FAM149B1: variants seen among roughly 807,000 people sequenced by gnomAD.
The protein encoded by FAM149B1 is primary cilium assembly protein FAM149B1.
Under a neutral mutation model 75.3 loss-of-function variants are expected in FAM149B1, and 56 were observed. The ratio of observed to expected loss-of-function variants is 0.74; its 90% CI spans 0.60 to 0.93. FAM149B1 has a LOEUF of 0.93. FAM149B1 is among the 40% of genes least tolerant of loss of function. The pLI, the probability that FAM149B1 is intolerant of heterozygous loss-of-function variation, is 0.00. For missense variants in FAM149B1, 639 were observed against 708.4 expected (o/e 0.90, Z 1.11); for synonymous variants, 259 against 256.1 (o/e 1.01, Z -0.11).
intron 1 of FAM149B1, among the ~76,000 whole-genome samples, chr10:73,172,441 A>G (rs1843754659): frequency 6.6e-6 from 1 of 152,192 alleles, no homozygotes; most frequent in Non-Finnish European, 1.5e-5. Context: ...TTACTAACCA[A>G]ATGACCTTAA....
chr10:73,180,266 G>A (rs1223239272), intron 3 of FAM149B1, among the ~76,000 whole-genome samples: 2 of 152,170 alleles, frequency 1.3e-5, no homozygotes, highest in African/African-American at 4.8e-5. Flanking sequence ...AAAAGCCCAA[G>A]GAGGAGAAGA....
intron 12 of FAM149B1, among the ~76,000 whole-genome samples, chr10:73,238,200 A>G (rs1249060071): frequency 1.3e-5 from 2 of 152,124 alleles, no homozygotes; most frequent in East Asian, 3.9e-4. Context: ...CAAGAAAATT[A>G]GCCAGGCATG....
At chr10:73,198,351 A>G (rs527902071) in intron 5 of FAM149B1, among the ~76,000 whole-genome samples, 1 of 152,356 alleles carries the variant, frequency 6.6e-6, no homozygotes, top group East Asian at 1.9e-4. Context: ...AAGAACAGAC[A>G]AATGGTACTA....
Position 73,233,082 on chromosome 10 carries a change from G to A in FAM149B1, c.1271G>A (p.Arg424Gln), listed in dbSNP as rs531266047. ...ACCAGGAGACGCAATCCACCACCACGAACTCTTCATCCGATCAGCACGAGC... is the reference window on the plus strand; with the variant it reads ...ACCAGGAGACGCAATCCACCACCACAAACTCTTCATCCGATCAGCACGAGC... ...QSTRRRNPPPRTLHPISTSHS... is the reference protein window; with the variant it reads ...QSTRRRNPPPQTLHPISTSHS... The change falls in exon 10 of 14, where the codon CGA becomes CAA. Residue 424 changes from arginine to glutamine, a missense_variant. Coordinates refer to ENST00000242505, the MANE Select transcript of FAM149B1 (RefSeq NM_173348.2). The A allele has an allele frequency of 4.5e-4, 695 of 1,551,574 alleles. 8 individuals are homozygous for A. In the South Asian group the frequency reaches 7.5e-3, roughly 17 times the overall value.
At chr10:73,228,220 C>G in intron 8 of FAM149B1, 36 bp downstream of exon 8, 1 of 1,539,070 alleles carries the variant, frequency 6.5e-7, no homozygotes, top group Non-Finnish European at 8.8e-7. Context: ...GACCCCAGGG[C>G]TACTCTCACC....
Position 73,233,114 on chromosome 10 carries a change from T to A in FAM149B1, c.1303T>A (p.Cys435Ser). The change falls in exon 10 of 14, where the codon TGT becomes AGT. Residue 435 changes from cysteine (C) to serine (S), a missense_variant. Transcript: ENST00000242505. ...TLHPISTSHSCAETPRSVEEI... is the reference protein window; with the variant it reads ...TLHPISTSHSSAETPRSVEEI... Reference sequence around the variant, plus strand: ...TCATCCGATCAGCACGAGCCATTCATGTGCTGAAACACCAAGATCTGTGGA... The same window carrying A: ...TCATCCGATCAGCACGAGCCATTCAAGTGCTGAAACACCAAGATCTGTGGA... The A allele has an allele frequency of 1.3e-6, 2 of 1,551,786 alleles. No homozygotes were observed. The highest frequency in any genetic ancestry group is 1.7e-6 in the Non-Finnish European group (2 of 1,147,000).
At chr10:73,171,016 G>A (rs976694234) in intron 1 of FAM149B1, among the ~76,000 whole-genome samples, 1 of 150,740 alleles carries the variant, frequency 6.6e-6, no homozygotes, top group African/African-American at 2.4e-5. Flanking sequence ...TGCACAGGTT[G>A]GAGTGCAGTG....
chr10:73,237,421 C>CTT (rs539055192), intron 12 of FAM149B1, among the ~76,000 whole-genome samples: 1 of 145,854 alleles, frequency 6.9e-6, no homozygotes, highest in African/African-American at 2.5e-5. Flanking sequence ...TTCTCTGAAA[C>CTT]TTTTTTTTTT....
chr10:73,185,931 G>T (rs1470586875), intron 3 of FAM149B1, among the ~76,000 whole-genome samples: 1 of 152,088 alleles, frequency 6.6e-6, no homozygotes, highest in Non-Finnish European at 1.5e-5. Context: ...AGAAAGAACA[G>T]TTCCTACCTA....
At chr10:73,231,434 A>ACACT (rs1424031741) in intron 9 of FAM149B1, 3 of 152,206 alleles carry the variant, frequency 2.0e-5, no homozygotes, top group African/African-American at 7.2e-5. Context: ...GTACCATTTT[A>ACACT]CACTCCTTCC....
chr10:73,189,035 A>T (rs1214892929), intron 3 of FAM149B1, among the ~76,000 whole-genome samples: 1 of 152,080 alleles, frequency 6.6e-6, no homozygotes, highest in Non-Finnish European at 1.5e-5. Flanking sequence ...TCTCTAAAAA[A>T]TAATTAATTA....
intron 12 of FAM149B1, 66 bp downstream of exon 12, chr10:73,235,384 G>GTTTGGCAGACTTAAGATTTTA: frequency 6.5e-7 from 1 of 1,541,326 alleles, no homozygotes. Context: ...GGGAATAATA[G>GTTTGGCAGACTTAAGATTTTA]TTTGGCAGAC....
intron 5 of FAM149B1, among the ~76,000 whole-genome samples, chr10:73,205,834 G>T (rs538823795): frequency 6.6e-6 from 1 of 152,208 alleles, no homozygotes; most frequent in African/African-American, 2.4e-5. Flanking sequence ...TTATAGGTGT[G>T]AGCCACCGCA....
chr10:73,221,475 T>A (rs1357951892), intron 7 of FAM149B1, among the ~76,000 whole-genome samples: 2 of 152,208 alleles, frequency 1.3e-5, no homozygotes, highest in African/African-American at 4.8e-5. Flanking sequence ...GCTGTCCATT[T>A]CTTCTCGCTT....
At chr10:73,170,709 A>C (rs1229447096) in intron 1 of FAM149B1, among the ~76,000 whole-genome samples, 1 of 152,128 alleles carries the variant, frequency 6.6e-6, no homozygotes, top group Non-Finnish European at 1.5e-5. Flanking sequence ...ACATGGTAGC[A>C]GTTTAGTTCC....
intron 5 of FAM149B1, among the ~76,000 whole-genome samples, chr10:73,204,771 CTTTTTT>C (rs772508767): frequency 2.3e-4 from 21 of 92,940 alleles, no homozygotes; most frequent in Non-Finnish European, 2.8e-4. Flanking sequence ...TGTGATTATT[CTTTTTT>C]TTTTTTTTTT....
At chr10:73,209,893 C>A (rs2043150343) in intron 6 of FAM149B1, among the ~76,000 whole-genome samples, 1 of 148,850 alleles carries the variant, frequency 6.7e-6, no homozygotes, top group African/African-American at 2.5e-5. Flanking sequence ...TTTTTTTTCC[C>A]ATTGCATTTT....
chr10:73,215,939 T>G (rs2043288716), intron 7 of FAM149B1, among the ~76,000 whole-genome samples: 1 of 152,222 alleles, frequency 6.6e-6, no homozygotes, highest in Non-Finnish European at 1.5e-5. Context: ...TAAAGTCCAA[T>G]GTATGTCCAA....
At chr10:73,236,711 CT>C (rs576371533) in intron 12 of FAM149B1, among the ~76,000 whole-genome samples, 1 of 148,876 alleles carries the variant, frequency 6.7e-6, no homozygotes, top group Non-Finnish European at 1.5e-5. Context: ...TGTACCCGGC[CT>C]TTTTTTTCTT....
Sources: allele counts gnomAD v4.1 joint callset (sites outside exome capture counted in the v4.1 genomes callset), GRCh38; gene constraint gnomAD v4.1.1; transcripts MANE v1.5; gene names NCBI Gene and HGNC (gene_info 2026-07-23, HGNC 2026-07-21).